Variants in ZNF682 observed in about 807,000 individuals in gnomAD.
ZNF682 encodes zinc finger protein 682.
ZNF682 carries 29 observed loss-of-function variants against 36.5 expected under a neutral mutation model. The ratio of observed to expected loss-of-function variants is 0.80; its 90% CI spans 0.59 to 1.08. ZNF682 has a LOEUF of 1.08. Ranked by LOEUF, ZNF682 falls within the 50% of genes least tolerant of loss-of-function variation. The pLI is 0.00. For missense variants in ZNF682, 561 were observed against 579.7 expected (o/e 0.97, Z 0.33); for synonymous variants, 180 against 197.0 (o/e 0.91, Z 0.72).
At chr19:20,019,807 A>C (rs1249896711) in intron 3 of ZNF682, among the ~76,000 whole-genome samples, 1 of 152,182 alleles carries the variant, frequency 6.6e-6, no homozygotes, top group Non-Finnish European at 1.5e-5. Context: ...GTCTATTATC[A>C]AGAGACACTT....
chr19:20,000,910 C>T (rs556484993), downstream of ZNF682, among the ~76,000 whole-genome samples: 28 of 152,308 alleles, frequency 1.8e-4, 3 homozygotes, highest in South Asian at 5.4e-3. Context: ...ACACCACTAA[C>T]CTTGGCCAGC....
Position 20,006,449 on chromosome 19 carries a change from G to A in ZNF682, c.1053C>T (p.Asn351=), listed in dbSNP as rs1397162706. Residue 351 remains asparagine (N), a synonymous_variant, in exon 4 of 4, where the codon AAC becomes AAT. Transcript: ENST00000397165. ...YKCEECGKAF[N]SSSILTEHKV... ...TATGTTCAGTAAGAATTGATGATGA[G>A]TTAAAAGCTTTGCCACATTCTTCAC... 5 of 1,613,150 alleles carry A rather than the reference G, an allele frequency of 3.1e-6. No homozygotes were observed. The highest frequency in any genetic ancestry group is 1.7e-4 in the Middle Eastern group (1 of 6,048).
In ZNF682 at chr19:20,022,992, C is replaced by T; in HGVS notation, c.226+12G>A. The T allele has an allele frequency of 5.6e-6, 9 of 1,611,426 alleles. No individual in the cohort carries two copies. Among genetic ancestry groups the T allele is most frequent in the Non-Finnish European group, 7.6e-6 (9 of 1,178,220 alleles). ...TTTCACCTGTGGCATGTGTTTCATT[C>T]ATCCAACCTACCTGGGGGTTTGGCT... On this transcript the variant is annotated intron_variant, in intron 3 of 3. Coordinates refer to ENST00000397165, the MANE Select transcript of ZNF682 (RefSeq NM_033196.3).
chr19:20,017,638 C>A (rs2122344662), intron 3 of ZNF682, among the ~76,000 whole-genome samples: 1 of 152,188 alleles, frequency 6.6e-6, no homozygotes, highest in East Asian at 1.9e-4. Context: ...CATTCTCAAT[C>A]ATGAATATAA....
chr19:20,025,369 C>A, intron 1 of ZNF682, among the ~76,000 whole-genome samples: 1 of 152,096 alleles, frequency 6.6e-6, no homozygotes, highest in Admixed American at 6.5e-5. Context: ...AGAGCCTTAA[C>A]CAAGTGATTG....
chr19:20,001,239 C>A (rs2088166625), downstream of ZNF682, among the ~76,000 whole-genome samples: 1 of 152,186 alleles, frequency 6.6e-6, no homozygotes, highest in South Asian at 2.1e-4. Context: ...ACTCCCCACC[C>A]CAGGCATCTC....
chr19:20,025,936 CTA>C (rs2122369558), intron 1 of ZNF682, among the ~76,000 whole-genome samples: 1 of 152,316 alleles, frequency 6.6e-6, no homozygotes, highest in Non-Finnish European at 1.5e-5. Context: ...TCTTATCTAA[CTA>C]TTCTCTTTTC....
rs372722554 is a variant in ZNF682, at chr19:20,023,040, T to A, written c.190A>T (p.Asn64Tyr). The change falls in exon 3 of 4, where the codon AAT becomes TAT. Residue 64 changes from asparagine to tyrosine, a missense_variant. By Grantham distance (143) the Asn-to-Tyr change is moderately radical. Coordinates refer to ENST00000397165, the MANE Select transcript of ZNF682 (RefSeq NM_033196.3). ...SRLEQRQEPW[N>Y]VKRHETIAKP... is the part of the protein sequence containing the mutation. ...GCTATGGTCTCATGTCTCTTCACAT[T>A]CCAGGGCTCCTGTCTTTGCTCCAGA... is the stretch of plus-strand genomic sequence containing the variant. 6.2e-7 allele frequency: 1 copy of A among 1,614,094 alleles called. No individual in the cohort carries two copies.
chr19:20,031,543 T>C (rs1442504681), intron 1 of ZNF682, among the ~76,000 whole-genome samples: 1 of 152,258 alleles, frequency 6.6e-6, no homozygotes, highest in Non-Finnish European at 1.5e-5. Context: ...AGTGCTTATA[T>C]GCAGATTCTA....
Position 20,007,101 on chromosome 19 carries a change from T to C in ZNF682, c.401A>G (p.Asn134Ser), listed in dbSNP as rs267605379. 6.2e-7 allele frequency: 1 copy of C among 1,613,600 alleles called. No homozygotes were observed. The highest frequency in any genetic ancestry group is 8.5e-7 in the Non-Finnish European group (1 of 1,180,002). ...KDQKEIYNGL[N>S]QCLSTLPSKI... The stretch of plus-strand genomic sequence containing the variant: ...GCTAGGTAGAGTTGACAAACATTGG[T>C]TAAGTCCATTATAAATTTCTTTTTG... Residue 134 changes from asparagine to serine, a missense_variant, in exon 4 of 4, where the codon AAC (asparagine) becomes AGC (serine). By Grantham distance (46) the Asn-to-Ser change is conservative. Coordinates refer to ENST00000397165, the MANE Select transcript of ZNF682 (RefSeq NM_033196.3).
chr19:20,003,842 G>T (rs568778588), downstream of ZNF682, among the ~76,000 whole-genome samples: 3 of 152,248 alleles, frequency 2.0e-5, no homozygotes, highest in South Asian at 6.2e-4. Flanking sequence ...GGGAAAAATA[G>T]ATTTGCTTTG....
At chr19:20,030,295 C>A (rs922735756) in intron 1 of ZNF682, among the ~76,000 whole-genome samples, 1 of 152,162 alleles carries the variant, frequency 6.6e-6, no homozygotes, top group Non-Finnish European at 1.5e-5. Flanking sequence ...TAGGGCTGGG[C>A]GCGGTGGCTC....
chr19:20,025,331 C>T (rs1383462824), intron 1 of ZNF682, among the ~76,000 whole-genome samples: 1 of 152,106 alleles, frequency 6.6e-6, no homozygotes, highest in Non-Finnish European at 1.5e-5. Context: ...AAATAATTAA[C>T]TTTATAATTA....
chr19:20,013,032 G>A (rs993469094), intron 3 of ZNF682, among the ~76,000 whole-genome samples: 2 of 151,972 alleles, frequency 1.3e-5, no homozygotes, highest in East Asian at 3.9e-4. Flanking sequence ...ATAAACTGGT[G>A]TAAAAACAAG....
In ZNF682 at chr19:20,005,022, ATTT is replaced by A. The variant is rs1023611136; in HGVS notation, c.*980_*982del. ...ATCTTCTGATGTTCATTTAGACTTA[ATTT>A]TTTATTAATTTTTTATATTTACTGC... On this transcript the variant is annotated 3_prime_UTR_variant, in exon 4 of 4. Transcript: ENST00000397165. 1 of 152,072 alleles carries A rather than the reference ATTT, an allele frequency of 6.6e-6. No homozygotes were observed. Among genetic ancestry groups the A allele is most frequent in the African/African-American group, 2.4e-5 (1 of 41,426 alleles). 9.4% of individuals were successfully genotyped at this position (152,072 alleles called of 1,614,324 possible). A position where few individuals can be genotyped will look rare whatever the true frequency, so the allele number is the denominator to read the frequency against.
At position 20,005,031 on chromosome 19, in the gene ZNF682, TA is replaced by T. The variant is rs1158435580; in HGVS notation, c.*973del. ...TGTTCATTTAGACTTAATTTTTTATTAATTTTTTATATTTACTGCATCTGTT... is the reference window on the plus strand; with the variant it reads ...TGTTCATTTAGACTTAATTTTTTATTATTTTTTATATTTACTGCATCTGTT... On this transcript the variant is annotated 3_prime_UTR_variant, in exon 4 of 4. Coordinates refer to ENST00000397165, the MANE Select transcript of ZNF682 (RefSeq NM_033196.3). The T allele has an allele frequency of 6.6e-6, 1 of 152,188 alleles. No homozygotes were observed. Among genetic ancestry groups the T allele is most frequent in the Non-Finnish European group, 1.5e-5 (1 of 68,036 alleles). 9.4% of individuals were successfully genotyped at this position (152,188 alleles called of 1,614,324 possible). A position where few individuals can be genotyped will look rare whatever the true frequency, so the allele number is the denominator to read the frequency against.
intron 3 of ZNF682, among the ~76,000 whole-genome samples, chr19:19,998,098 A>G (rs1423509034): frequency 1.3e-5 from 2 of 152,242 alleles, no homozygotes; most frequent in Non-Finnish European, 2.9e-5. Context: ...TGTGGTACAG[A>G]AAATGATTGA....
chr19:20,030,378 T>C (rs761316416), intron 1 of ZNF682, among the ~76,000 whole-genome samples: 1 of 152,134 alleles, frequency 6.6e-6, no homozygotes, highest in Non-Finnish European at 1.5e-5. Context: ...GAGACCAGCC[T>C]GGCCAATATG....
At chr19:20,013,863 A>T (rs969289240) in intron 3 of ZNF682, among the ~76,000 whole-genome samples, 2 of 152,238 alleles carry the variant, frequency 1.3e-5, no homozygotes, top group African/African-American at 4.8e-5. Flanking sequence ...TGCAGGTGTG[A>T]GCCACCATGC....
Sources: allele counts gnomAD v4.1 joint callset (sites outside exome capture counted in the v4.1 genomes callset), GRCh38; gene constraint gnomAD v4.1.1; transcripts MANE v1.5; gene names NCBI Gene and HGNC (gene_info 2026-07-23, HGNC 2026-07-21).